Variants in IMMP2L observed in about 807,000 individuals in gnomAD.
IMMP2L encodes inner mitochondrial membrane peptidase subunit 2, also known as mitochondrial inner membrane protease subunit 2.
A neutral mutation model predicts 19.3 loss-of-function variants in IMMP2L; 18 were observed. That is an observed-to-expected ratio of 0.93 (90% CI 0.64 to 1.38). IMMP2L has a LOEUF of 1.38. IMMP2L is among the 40% of genes most tolerant of loss of function. The pLI is 0.00. For missense variants in IMMP2L, 233 were observed against 218.2 expected, an observed-to-expected ratio of 1.07 and a Z score of -0.43; for synonymous variants, 76 against 73.0, an observed-to-expected ratio of 1.04 and a Z score of -0.21.
intron 3 of IMMP2L, among the ~76,000 whole-genome samples, chr7:111,352,928 C>T (rs1457590432): frequency 1.3e-5 from 2 of 152,148 alleles, no homozygotes; most frequent in African/African-American, 4.8e-5. Flanking sequence ...CATCCAGCTC[C>T]CTTGTTCTGC....
chr7:110,870,589 AT>A lies in IMMP2L; in HGVS notation c.408+16003del, dbSNP rs1468959358. Among the ~76,000 whole-genome samples the A allele has an allele frequency of 6.6e-6, 1 of 152,146 alleles. No individual in the cohort carries two copies. The highest frequency in any genetic ancestry group is 2.4e-5 in the African/African-American group (1 of 41,436). ...GCACGCGCATGTGTGCGTGTGTTCCATTTTGTTAGATGCACAGAAAAAACTC... is the reference window on the plus strand; with the variant it reads ...GCACGCGCATGTGTGCGTGTGTTCCATTTGTTAGATGCACAGAAAAAACTC... On this transcript the variant is annotated intron_variant, in intron 5 of 5. Coordinates refer to ENST00000405709, the MANE Select transcript of IMMP2L (RefSeq NM_032549.4). This position sits in a 1 kb window ranked among gnomAD's most constrained non-coding sequence, Gnocchi z 4.2.
At chr7:111,503,621 C>T (rs952287486) in intron 2 of IMMP2L, among the ~76,000 whole-genome samples, 7 of 152,098 alleles carry the variant, frequency 4.6e-5, no homozygotes, top group Admixed American at 3.9e-4. Context: ...GCTTTTCCAC[C>T]ATGATCAAGT....
chr7:110,739,893 A>G (rs911915940), intron 5 of IMMP2L, among the ~76,000 whole-genome samples: 1 of 152,160 alleles, frequency 6.6e-6, no homozygotes, highest in African/African-American at 2.4e-5. Flanking sequence ...AACATTGGAA[A>G]TCCACTCCAA....
At chr7:110,837,829 G>A (rs532165800) in intron 5 of IMMP2L, among the ~76,000 whole-genome samples, 25 of 152,222 alleles carry the variant, frequency 1.6e-4, no homozygotes, top group African/African-American at 2.9e-4. Flanking sequence ...CTTCCTAACC[G>A]GGAATCCCAG....
intron 5 of IMMP2L, among the ~76,000 whole-genome samples, chr7:110,689,914 C>G (rs1328818936): frequency 6.6e-6 from 1 of 152,154 alleles, no homozygotes; most frequent in Non-Finnish European, 1.5e-5. Flanking sequence ...GAACTTCAAC[C>G]ACAATGCATG....
At chr7:111,156,728 T>C (rs1804685688) in intron 3 of IMMP2L, among the ~76,000 whole-genome samples, 2 of 152,020 alleles carry the variant, frequency 1.3e-5, no homozygotes, top group Admixed American at 1.3e-4. Context: ...ATTTTCTAAG[T>C]CTTTCAAGCT....
At chr7:110,994,388 TAAC>T (rs1242529897) in intron 3 of IMMP2L, among the ~76,000 whole-genome samples, 1 of 152,304 alleles carries the variant, frequency 6.6e-6, no homozygotes, top group East Asian at 1.9e-4. Context: ...AGCCCCCAGC[TAAC>T]AACTACATAT....
intron 5 of IMMP2L, among the ~76,000 whole-genome samples, chr7:110,721,133 A>G (rs534093591): frequency 6.6e-6 from 1 of 152,042 alleles, no homozygotes; most frequent in Non-Finnish European, 1.5e-5. Context: ...TAGTATCATC[A>G]CTGAGAGTAG....
At chr7:110,937,069 C>T (rs1205118405) in intron 4 of IMMP2L, among the ~76,000 whole-genome samples, 2 of 151,856 alleles carry the variant, frequency 1.3e-5, no homozygotes, top group East Asian at 3.9e-4. Context: ...TGAGGGCTAG[C>T]GGGGGTTAGC....
chr7:111,200,271 A>C (rs1303740224), intron 3 of IMMP2L, among the ~76,000 whole-genome samples: 1 of 152,132 alleles, frequency 6.6e-6, no homozygotes, highest in Non-Finnish European at 1.5e-5. Context: ...TTTTCTTAGA[A>C]TAAAGCATAA....
chr7:111,051,150 TA>T (rs1200815710), intron 3 of IMMP2L, among the ~76,000 whole-genome samples: 1 of 152,168 alleles, frequency 6.6e-6, no homozygotes, highest in Non-Finnish European at 1.5e-5. Flanking sequence ...AATTTAAAAA[TA>T]AACAAACTTT....
At chr7:110,701,689 T>G (rs962153280) in intron 5 of IMMP2L, among the ~76,000 whole-genome samples, 1 of 152,126 alleles carries the variant, frequency 6.6e-6, no homozygotes, top group African/African-American at 2.4e-5. Flanking sequence ...CCTCCCAAAA[T>G]GCTGGAACTA....
In IMMP2L at chr7:111,379,574, T is replaced by C. The variant is rs545925905; in HGVS notation, c.239+107664A>G. ...TCATAATTCCCTTATCAAGTGAATATAGTGGAAAGGAACCAGGCTGAAAGT... is the reference window on the plus strand; with the variant it reads ...TCATAATTCCCTTATCAAGTGAATACAGTGGAAAGGAACCAGGCTGAAAGT... On this transcript the variant is annotated intron_variant, in intron 3 of 5. Transcript: ENST00000405709. Among the ~76,000 whole-genome samples, 163 of 151,832 alleles carry C rather than the reference T, an allele frequency of 1.1e-3. 1 individual carries two copies. The highest frequency in any genetic ancestry group is 2.1e-3 in the Non-Finnish European group (139 of 67,796).
intron 3 of IMMP2L, among the ~76,000 whole-genome samples, chr7:111,316,934 C>G (rs1734709648): frequency 6.7e-6 from 1 of 148,578 alleles, no homozygotes; most frequent in African/African-American, 2.5e-5. Flanking sequence ...ACTGCAAGCT[C>G]CGCCTCCCGA....
At chr7:111,262,871 G>A (rs1363507063) in intron 3 of IMMP2L, among the ~76,000 whole-genome samples, 1 of 152,076 alleles carries the variant, frequency 6.6e-6, no homozygotes, top group Non-Finnish European at 1.5e-5. Context: ...TGTCTAAGCT[G>A]TTAGAATGCC....
intron 3 of IMMP2L, among the ~76,000 whole-genome samples, chr7:111,481,670 T>C (rs1055005017): frequency 2.0e-5 from 3 of 152,094 alleles, no homozygotes; most frequent in African/African-American, 7.2e-5. Context: ...TCCGACACTC[T>C]TACCAACACC....
chr7:111,454,452 G>A (rs993206956), intron 3 of IMMP2L, among the ~76,000 whole-genome samples: 5 of 151,660 alleles, frequency 3.3e-5, no homozygotes, highest in Admixed American at 6.6e-5. Context: ...ATATTTAAGC[G>A]ATTAACCCCA....
At chr7:111,207,303 T>C (rs373765317) in intron 3 of IMMP2L, among the ~76,000 whole-genome samples, 1 of 152,228 alleles carries the variant, frequency 6.6e-6, no homozygotes, top group South Asian at 2.1e-4. Flanking sequence ...ACTAACCTAT[T>C]TCATGGGGTC....
chr7:110,857,205 G>A (rs1806885778), intron 5 of IMMP2L, among the ~76,000 whole-genome samples: 1 of 152,084 alleles, frequency 6.6e-6, no homozygotes, highest in African/African-American at 2.4e-5. Context: ...TCCAAGTACT[G>A]GAGCAAACTC....
Sources: gnomAD v4.1 joint callset for allele counts (sites outside exome capture counted in the v4.1 genomes callset) on GRCh38, gnomAD v4.1.1 for gene constraint, Gnocchi (gnomAD v3.1) non-coding constraint, MANE v1.5 for transcripts, NCBI Gene and HGNC (gene_info 2026-07-23, HGNC 2026-07-21) for gene names.